Variants in ARL15 observed in about 807,000 individuals in gnomAD.
The protein encoded by ARL15 is ADP-ribosylation factor-like protein 15.
ARL15 carries 19 observed loss-of-function variants against 25.2 expected under a neutral mutation model. That is an observed-to-expected ratio of 0.75 (90% CI 0.53 to 1.10). ARL15 has a LOEUF of 1.10. Ranked by LOEUF, ARL15 falls within the 50% of genes least tolerant of loss-of-function variation. ARL15 has a pLI of 0.00. For synonymous variants in ARL15, 94 were observed against 86.8 expected (o/e 1.08, Z -0.46); for missense variants, 220 against 246.0 (o/e 0.89, Z 0.71).
At chr5:54,275,778 C>T (rs373327475) in intron 1 of ARL15, among the ~76,000 whole-genome samples, 5 of 151,644 alleles carry the variant, frequency 3.3e-5, no homozygotes, top group Admixed American at 2.6e-4. Context: ...TCTGCCTCCC[C>T]GGTTCACGCT....
At chr5:53,963,805 TCACACACACACACACA>T (rs60458728) in intron 4 of ARL15, among the ~76,000 whole-genome samples, 58 of 143,242 alleles carry the variant, frequency 4.0e-4, no homozygotes, top group Middle Eastern at 3.6e-3. Flanking sequence ...TGAAACTCCA[TCACACACACACACACA>T]CACACACACA....
chr5:54,083,544 T>G (rs964529863), intron 4 of ARL15, among the ~76,000 whole-genome samples: 1 of 152,172 alleles, frequency 6.6e-6, no homozygotes, highest in Non-Finnish European at 1.5e-5. Context: ...GGTCAAAAGT[T>G]TTTTCATGAG....
In ARL15 at chr5:54,037,833, C is replaced by G. The variant is rs182027601; in HGVS notation, c.462+75369G>C. 5.2e-3 allele frequency among the ~76,000 whole-genome samples: 795 copies of G among 152,108 alleles called. 3 individuals carry two copies. Among genetic ancestry groups the G allele is most frequent in the Admixed American group, 0.011 (172 of 15,280 alleles). Reference sequence around the variant, plus strand: ...GGGGACATCATAGTATGCTAACAAGCTAAAACAAACCTATCATTTATTTCC... The same window carrying G: ...GGGGACATCATAGTATGCTAACAAGGTAAAACAAACCTATCATTTATTTCC... On this transcript the variant is annotated intron_variant, in intron 4 of 4. Coordinates refer to ENST00000504924, the MANE Select transcript of ARL15 (RefSeq NM_019087.3).
At chr5:53,891,804 C>T (rs1744718955) in intron 4 of ARL15, among the ~76,000 whole-genome samples, 1 of 152,182 alleles carries the variant, frequency 6.6e-6, no homozygotes, top group African/African-American at 2.4e-5. Context: ...AAGTTGGCTT[C>T]CCATAACTTC....
intron 4 of ARL15, among the ~76,000 whole-genome samples, chr5:53,945,562 G>GA (rs574890423): frequency 2.4e-3 from 266 of 112,014 alleles, no homozygotes; most frequent in African/African-American, 8.1e-3. Context: ...CAGAATAAGA[G>GA]AAAAAATTCA....
chr5:54,072,802 T>C (rs1212169031), intron 4 of ARL15, among the ~76,000 whole-genome samples: 1 of 152,164 alleles, frequency 6.6e-6, no homozygotes, highest in Non-Finnish European at 1.5e-5. Context: ...CCAAAACAAA[T>C]TACTTGGTTA....
At chr5:54,168,271 CA>C (rs1754631362) in intron 2 of ARL15, among the ~76,000 whole-genome samples, 1 of 152,052 alleles carries the variant, frequency 6.6e-6, no homozygotes, top group Non-Finnish European at 1.5e-5. Flanking sequence ...AGTTGTCTCT[CA>C]AATCTCTCTA....
chr5:54,101,576 CTT>C (rs1752439705), intron 4 of ARL15, among the ~76,000 whole-genome samples: 1 of 151,938 alleles, frequency 6.6e-6, no homozygotes, highest in African/African-American at 2.4e-5. Context: ...GCTGTATTAG[CTT>C]AAAACTGTAT....
intron 2 of ARL15, among the ~76,000 whole-genome samples, chr5:54,165,755 A>G (rs896435090): frequency 6.7e-4 from 82 of 122,520 alleles, no homozygotes; most frequent in African/African-American, 2.5e-3. Context: ...TATATATATA[A>G]ATAGAGACAG....
At position 54,278,093 on chromosome 5, in the gene ARL15, A is replaced by T. The variant is rs1359048721; in HGVS notation, c.48+32339T>A. On this transcript the variant is annotated intron_variant, in intron 1 of 4. Transcript: ENST00000504924. The stretch of plus-strand genomic sequence containing the variant: ...AAGCTAAAATTATCACTGCTCCCTT[A>T]ACCTGCTTCTTGTCAGCACCAGCTA... 2.0e-5 allele frequency among the ~76,000 whole-genome samples: 3 copies of T among 152,202 alleles called. No individual in the cohort carries two copies. The East Asian group carries it at 5.8e-4, about 29-fold the overall frequency.
chr5:54,302,683 A>ATTTTT (rs372704359), intron 1 of ARL15, among the ~76,000 whole-genome samples: 5,372 of 77,608 alleles, frequency 0.069, 680 homozygotes, highest in Middle Eastern at 0.12. Flanking sequence ...TAAAATTAAG[A>ATTTTT]TTTTTTTTTT....
chr5:54,011,281 G>A (rs549356835), intron 4 of ARL15, among the ~76,000 whole-genome samples: 18 of 152,066 alleles, frequency 1.2e-4, no homozygotes, highest in Non-Finnish European at 1.9e-4. Flanking sequence ...TAAAATTTAA[G>A]TGTTTCACCA....
chr5:53,918,204 T>C (rs745923502), intron 4 of ARL15, among the ~76,000 whole-genome samples: 2 of 152,166 alleles, frequency 1.3e-5, no homozygotes, highest in Non-Finnish European at 2.9e-5. Context: ...TTTATTTATT[T>C]AGACAGGGTC....
chr5:54,217,190 C>A (rs1756232199), intron 1 of ARL15, among the ~76,000 whole-genome samples: 1 of 124,280 alleles, frequency 8.0e-6, no homozygotes. Context: ...TTTAGTAAGA[C>A]AATGCTTTTC....
At chr5:54,260,951 T>A (rs570808838) in intron 1 of ARL15, among the ~76,000 whole-genome samples, 119 of 152,312 alleles carry the variant, frequency 7.8e-4, no homozygotes, top group Non-Finnish European at 1.4e-3. Flanking sequence ...CTTCTCTGAA[T>A]AGGCTTCAAC....
At chr5:54,287,948 T>G (rs1391345415) in intron 1 of ARL15, among the ~76,000 whole-genome samples, 1 of 152,140 alleles carries the variant, frequency 6.6e-6, no homozygotes, top group Non-Finnish European at 1.5e-5. Context: ...ACTGAAAAGA[T>G]GAAGCAGTTC....
chr5:53,940,107 T>A (rs1449935721), intron 4 of ARL15, among the ~76,000 whole-genome samples: 2 of 151,452 alleles, frequency 1.3e-5, no homozygotes, highest in African/African-American at 4.9e-5. Context: ...GCCTCCCGAG[T>A]AGCTGGGACT....
chr5:54,233,790 C>T (rs750511437), intron 1 of ARL15, among the ~76,000 whole-genome samples: 19 of 152,130 alleles, frequency 1.2e-4, no homozygotes, highest in African/African-American at 2.4e-4. Context: ...TTCATAGCTG[C>T]GTGGGGTTGA....
chr5:54,261,139 A>G (rs9885454), intron 1 of ARL15, among the ~76,000 whole-genome samples: 7,358 of 152,234 alleles, frequency 0.048, 437 homozygotes, highest in African/African-American at 0.14. Context: ...AGACCCAGTA[A>G]GAGACACATG....
Sources: gnomAD v4.1 joint callset for allele counts (sites outside exome capture counted in the v4.1 genomes callset) on GRCh38, gnomAD v4.1.1 for gene constraint, MANE v1.5 for transcripts, NCBI Gene and HGNC (gene_info 2026-07-23, HGNC 2026-07-21) for gene names.